Variants in DLG2 observed in about 807,000 individuals in gnomAD.
DLG2 encodes discs large MAGUK scaffold protein 2, also known as disks large homolog 2.
In DLG2, 45 loss-of-function variants were observed where a neutral mutation model predicts 132.5. The ratio of observed to expected loss-of-function variants is 0.34; its 90% CI spans 0.27 to 0.44. DLG2 has a LOEUF of 0.44. Among genes scored for constraint, DLG2 ranks in the 20% least tolerant of loss-of-function variants. DLG2 has a pLI of 1.00. For missense variants in DLG2, 1,045 were observed against 1,196.9 expected (o/e 0.87, Z 1.87); for synonymous variants, 424 against 419.6 (o/e 1.01, Z -0.13).
rs1598630569 is a variant in DLG2, at chr11:84,264,500, A to G, written c.520-13209T>C. ...TATCTGTTGCTGTGGGCTAGAGGAG[A>G]GATGGGGAAATAACAAGAAAAAAGA... On this transcript the variant is annotated intron_variant, in intron 7 of 27. Transcript: ENST00000376104. 6.6e-5 allele frequency among the ~76,000 whole-genome samples: 10 copies of G among 152,214 alleles called. No homozygotes were observed. In the South Asian group the frequency reaches 2.1e-3, roughly 32 times the overall value.
rs187374537 is a variant in DLG2, at chr11:85,217,053, T to C, written c.187-62402A>G. Among the ~76,000 whole-genome samples the C allele has an allele frequency of 3.9e-4, 59 of 152,272 alleles. No homozygotes were observed. The East Asian group carries it at 0.01, about 26-fold the overall frequency. On this transcript the variant is annotated intron_variant, in intron 4 of 27. Transcript: ENST00000376104. Reference sequence around the variant, plus strand: ...GTACTTCATAAGAGTTGAAAACTCATAAGACTTTTAAATATTTTATTTCAT... The same window carrying C: ...GTACTTCATAAGAGTTGAAAACTCACAAGACTTTTAAATATTTTATTTCAT...
At chr11:84,006,540 ATACT>A (rs1029106662) in intron 11 of DLG2, among the ~76,000 whole-genome samples, 1 of 151,556 alleles carries the variant, frequency 6.6e-6, no homozygotes, top group African/African-American at 2.4e-5. Flanking sequence ...TAAGTATTTA[ATACT>A]TAAGTATTTA....
intron 14 of DLG2, among the ~76,000 whole-genome samples, chr11:83,933,666 T>G (rs909543877): frequency 6.6e-6 from 1 of 152,200 alleles, no homozygotes; most frequent in African/African-American, 2.4e-5. Flanking sequence ...CATCTATACC[T>G]TATTCTTAGG....
intron 7 of DLG2, among the ~76,000 whole-genome samples, chr11:84,456,102 A>G (rs2099064659): frequency 6.6e-6 from 1 of 151,326 alleles, no homozygotes; most frequent in African/African-American, 2.4e-5. Flanking sequence ...TGACAATCTT[A>G]TGGTGACTAT....
chr11:85,322,989 TAAC>T (rs1270714057), intron 3 of DLG2, among the ~76,000 whole-genome samples: 2 of 152,352 alleles, frequency 1.3e-5, no homozygotes, highest in East Asian at 3.9e-4. Context: ...CCCATTGATT[TAAC>T]TTTTTAATGA....
At chr11:84,780,679 T>C (rs1166346456) in intron 6 of DLG2, among the ~76,000 whole-genome samples, 1 of 152,072 alleles carries the variant, frequency 6.6e-6, no homozygotes, top group Non-Finnish European at 1.5e-5. Flanking sequence ...TGTGGTGACA[T>C]CTTATTGTGG....
intron 7 of DLG2, among the ~76,000 whole-genome samples, chr11:84,395,335 G>T (rs527860812): frequency 4.6e-5 from 7 of 152,014 alleles, no homozygotes; most frequent in Non-Finnish European, 1.0e-4. Context: ...TCATTTGGTT[G>T]CAAATGCTGT....
At chr11:85,555,979 G>C (rs947278339) in intron 3 of DLG2, among the ~76,000 whole-genome samples, 1 of 151,794 alleles carries the variant, frequency 6.6e-6, no homozygotes, top group Non-Finnish European at 1.5e-5. Context: ...CATCTGTGGG[G>C]ACTCTCATGT....
intron 6 of DLG2, among the ~76,000 whole-genome samples, chr11:84,813,044 A>G (rs1226794994): frequency 2.0e-5 from 3 of 152,116 alleles, no homozygotes; most frequent in Non-Finnish European, 4.4e-5. Flanking sequence ...GTTTAATAGG[A>G]AGGCTGTTTA....
At chr11:84,725,138 C>A (rs748971653) in intron 6 of DLG2, among the ~76,000 whole-genome samples, 71 of 152,218 alleles carry the variant, frequency 4.7e-4, no homozygotes, top group Non-Finnish European at 2.9e-4. Context: ...GAATTGAGAT[C>A]TGAAGCCAAG....
At chr11:85,086,029 A>T (rs2067882090) in intron 6 of DLG2, among the ~76,000 whole-genome samples, 1 of 152,118 alleles carries the variant, frequency 6.6e-6, no homozygotes, top group Non-Finnish European at 1.5e-5. Context: ...CCCCCAAAAA[A>T]CTTTTGCAGT....
At chr11:85,452,989 G>A (rs528368055) in intron 3 of DLG2, 2 of 192,804 alleles carry the variant, frequency 1.0e-5, no homozygotes, top group East Asian at 1.3e-4. Flanking sequence ...ATCAAAGACA[G>A]TATTTGAACC....
chr11:83,889,878 C>G (rs2154084500), intron 15 of DLG2, among the ~76,000 whole-genome samples: 1 of 145,984 alleles, frequency 6.9e-6, no homozygotes, highest in South Asian at 2.1e-4. Context: ...CCAAATACCG[C>G]ATATTCTCAC....
At chr11:83,554,839 C>T (rs2096483402) in intron 19 of DLG2, among the ~76,000 whole-genome samples, 1 of 152,150 alleles carries the variant, frequency 6.6e-6, no homozygotes, top group Non-Finnish European at 1.5e-5. Flanking sequence ...CTTTTAGATG[C>T]CTGAAACCAT....
intron 6 of DLG2, among the ~76,000 whole-genome samples, chr11:84,791,558 C>T (rs1160605413): frequency 6.6e-6 from 1 of 152,062 alleles, no homozygotes; most frequent in Non-Finnish European, 1.5e-5. Flanking sequence ...AACATTGATT[C>T]TTCCAATCCA....
chr11:84,462,048 C>T (rs983998453), intron 7 of DLG2, among the ~76,000 whole-genome samples: 3 of 150,924 alleles, frequency 2.0e-5, no homozygotes, highest in African/African-American at 7.3e-5. Flanking sequence ...TTCTTGACTT[C>T]TCTATGACTC....
chr11:85,330,970 A>T (rs374386411), intron 3 of DLG2, among the ~76,000 whole-genome samples: 174 of 152,260 alleles, frequency 1.1e-3, no homozygotes, highest in African/African-American at 4.0e-3. Flanking sequence ...CTTGAAATGA[A>T]TCACGGTAAC....
chr11:84,983,323 T>C (rs539158492), intron 6 of DLG2, among the ~76,000 whole-genome samples: 47 of 152,250 alleles, frequency 3.1e-4, no homozygotes, highest in African/African-American at 1.1e-3. Flanking sequence ...GGACTCTATG[T>C]AGACAACCCG....
intron 17 of DLG2, among the ~76,000 whole-genome samples, chr11:83,789,801 C>G (rs537720627): frequency 1.3e-5 from 2 of 152,324 alleles, no homozygotes; most frequent in African/African-American, 4.8e-5. Context: ...CTGCCTCGGC[C>G]TTCCAACGTG....
Sources: gnomAD v4.1 joint callset for allele counts (sites outside exome capture counted in the v4.1 genomes callset) on GRCh38, gnomAD v4.1.1 for gene constraint, MANE v1.5 for transcripts, NCBI Gene and HGNC (gene_info 2026-07-23, HGNC 2026-07-21) for gene names.